ATXN1: variants seen among roughly 807,000 people sequenced by gnomAD.
ATXN1 encodes ataxin-1.
ATXN1 carries 8 observed loss-of-function variants against 56.4 expected under a neutral mutation model. The ratio of observed to expected loss-of-function variants is 0.14; its 90% CI spans 0.08 to 0.26. The LOEUF is 0.26. Ranked by LOEUF, ATXN1 falls within the 10% of genes least tolerant of loss-of-function variation. ATXN1 has a pLI of 1.00. For synonymous variants in ATXN1, 514 were observed against 494.6 expected, an observed-to-expected ratio of 1.04 and a Z score of -0.52; for missense variants, 987 against 1,106.5, an observed-to-expected ratio of 0.89 and a Z score of 1.53.
chr6:16,306,176 C>A lies in ATXN1; in HGVS notation c.*153G>T, dbSNP rs1760242925. On this transcript the variant is annotated 3_prime_UTR_variant, in exon 8 of 8. Transcript: ENST00000436367. This position sits in a 1 kb window ranked among gnomAD's most constrained non-coding sequence, Gnocchi z 5.2. ...AAAAAGCATATGCACCAGTCTCCTG[C>A]GACACACCTGCTGTAACTCTAATGA... is the stretch of plus-strand genomic sequence containing the variant. The A allele has an allele frequency of 1.0e-6, 1 of 991,876 alleles. No homozygotes were observed. Among genetic ancestry groups the A allele is most frequent in the Non-Finnish European group, 1.5e-6 (1 of 681,624 alleles). 61.4% of individuals were successfully genotyped at this position (991,876 alleles called of 1,614,324 possible). A position where few individuals can be genotyped will look rare whatever the true frequency, so the allele number is the denominator to read the frequency against.
chr6:16,523,877 A>C (rs1157152403), intron 4 of ATXN1, among the ~76,000 whole-genome samples: 1 of 152,178 alleles, frequency 6.6e-6, no homozygotes. Context: ...AGACTATTTA[A>C]TCTACACCAC....
intron 3 of ATXN1, among the ~76,000 whole-genome samples, chr6:16,588,296 T>C (rs1561768484): frequency 6.6e-6 from 1 of 152,214 alleles, no homozygotes; most frequent in Non-Finnish European, 1.5e-5. Flanking sequence ...TTGCAGTGGC[T>C]TTCCATTTCT....
chr6:16,309,240 A>AAT (rs1554136605), intron 7 of ATXN1, among the ~76,000 whole-genome samples: 4 of 149,028 alleles, frequency 2.7e-5, no homozygotes, highest in African/African-American at 7.3e-5. Context: ...AAAAAAAAAA[A>AAT]AATAAATAAT....
rs1441424808 is a variant in ATXN1, at chr6:16,301,217, AAGTG to A, written c.*5108_*5111del. ...TTTAAAACATTACCTGTACTCCTCA[AAGTG>A]AGTGCTTCAAAATTTTGTTTTCTTC... On this transcript the variant is annotated 3_prime_UTR_variant, in exon 8 of 8. Coordinates refer to ENST00000436367, the MANE Select transcript of ATXN1 (RefSeq NM_001128164.2). 2.0e-5 allele frequency: 3 copies of A among 152,576 alleles called. No individual in the cohort carries two copies. Among genetic ancestry groups the A allele is most frequent in the African/African-American group, 7.2e-5 (3 of 41,426 alleles). The allele number at this position is 152,576 out of a possible 1,614,324, so 9.5% of individuals were successfully genotyped here.
chr6:16,730,223 G>T (rs1422334070), intron 2 of ATXN1, among the ~76,000 whole-genome samples: 1 of 152,154 alleles, frequency 6.6e-6, no homozygotes, highest in Non-Finnish European at 1.5e-5. Flanking sequence ...ACATTACAGT[G>T]ACGTGAGATT....
At chr6:16,608,077 G>A (rs181960511) in intron 3 of ATXN1, among the ~76,000 whole-genome samples, 53 of 152,310 alleles carry the variant, frequency 3.5e-4, no homozygotes, top group Non-Finnish European at 7.2e-4. Flanking sequence ...GAATGACATT[G>A]GAGTGGGAGC....
chr6:16,601,589 G>A (rs371328221), intron 3 of ATXN1, among the ~76,000 whole-genome samples: 13 of 152,184 alleles, frequency 8.5e-5, no homozygotes, highest in Non-Finnish European at 1.6e-4. Flanking sequence ...AGTGGCTCAC[G>A]CCTGTAATCC....
chr6:16,517,970 C>CA (rs1436110031), intron 5 of ATXN1, among the ~76,000 whole-genome samples: 2 of 152,208 alleles, frequency 1.3e-5, no homozygotes, highest in African/African-American at 4.8e-5. Context: ...AAATATTGAT[C>CA]AAATGCCTCC....
intron 6 of ATXN1, among the ~76,000 whole-genome samples, chr6:16,338,055 CAAT>C (rs990803916): frequency 1.3e-5 from 2 of 152,134 alleles, no homozygotes; most frequent in African/African-American, 2.4e-5. Flanking sequence ...TTATTACTAA[CAAT>C]GATGATAATA....
At chr6:16,603,041 C>T (rs1238923210) in intron 3 of ATXN1, among the ~76,000 whole-genome samples, 2 of 152,212 alleles carry the variant, frequency 1.3e-5, no homozygotes, top group South Asian at 2.1e-4. Context: ...GAGCACCATA[C>T]TTTCTTTCTA....
At chr6:16,396,811 T>C (rs1283587098) in intron 6 of ATXN1, among the ~76,000 whole-genome samples, 40 of 152,344 alleles carry the variant, frequency 2.6e-4, no homozygotes, top group Admixed American at 2.5e-3. Context: ...ATTTTTACTG[T>C]ACCTATTCTA....
At chr6:16,332,604 T>A (rs906752350) in intron 6 of ATXN1, among the ~76,000 whole-genome samples, 2 of 152,154 alleles carry the variant, frequency 1.3e-5, no homozygotes, top group Admixed American at 1.3e-4. Context: ...AATGCCAAAT[T>A]ACCAGAGAGC....
chr6:16,585,430 A>G (rs1762604298), intron 4 of ATXN1, among the ~76,000 whole-genome samples: 1 of 152,212 alleles, frequency 6.6e-6, no homozygotes, highest in Admixed American at 6.5e-5. Context: ...AATACTCTTA[A>G]TAATCTCTAC....
intron 4 of ATXN1, among the ~76,000 whole-genome samples, chr6:16,530,322 T>C: frequency 6.6e-6 from 1 of 152,194 alleles, no homozygotes; most frequent in East Asian, 1.9e-4. Context: ...CTGATTGCTA[T>C]ATTTCAGGGG....
intron 3 of ATXN1, among the ~76,000 whole-genome samples, chr6:16,627,546 G>T (rs975662497): frequency 6.6e-6 from 1 of 152,158 alleles, no homozygotes; most frequent in Admixed American, 6.5e-5. Flanking sequence ...GGCCAACATG[G>T]TGAAATCCCA....
intron 6 of ATXN1, among the ~76,000 whole-genome samples, chr6:16,361,861 A>G (rs1761814491): frequency 1.3e-5 from 2 of 152,194 alleles, no homozygotes; most frequent in African/African-American, 2.4e-5. Context: ...ATGTTTCTGT[A>G]GTGTCAGGAA....
chr6:16,527,333 G>C (rs994924950), intron 4 of ATXN1, among the ~76,000 whole-genome samples: 2 of 152,086 alleles, frequency 1.3e-5, no homozygotes, highest in African/African-American at 4.8e-5. Context: ...ATGGAGACAC[G>C]AATGCAGTTA....
intron 7 of ATXN1, among the ~76,000 whole-genome samples, chr6:16,308,090 G>T (rs1034512884): frequency 1.3e-5 from 2 of 151,904 alleles, no homozygotes; most frequent in African/African-American, 4.8e-5. Context: ...GGGGACGAAG[G>T]TTGCAGTGAG....
chr6:16,502,470 A>G (rs140797279), intron 5 of ATXN1, among the ~76,000 whole-genome samples: 1 of 152,358 alleles, frequency 6.6e-6, no homozygotes, highest in East Asian at 1.9e-4. Context: ...TTTATCTTCA[A>G]CTGAACATGT....
Sources: gnomAD v4.1 joint callset for allele counts (sites outside exome capture counted in the v4.1 genomes callset) on GRCh38, gnomAD v4.1.1 for gene constraint, Gnocchi (gnomAD v3.1) non-coding constraint, MANE v1.5 for transcripts, NCBI Gene and HGNC (gene_info 2026-07-23, HGNC 2026-07-21) for gene names.